CHD2: variants seen among roughly 807,000 people sequenced by gnomAD.
CHD2 encodes chromodomain helicase DNA binding protein 2.
In CHD2, 28 loss-of-function variants were observed where a neutral mutation model predicts 243.9. The ratio of observed to expected loss-of-function variants is 0.11; its 90% CI spans 0.09 to 0.16. The LOEUF (loss-of-function observed/expected upper bound fraction) is 0.16, where lower values mean the gene tolerates loss of function less well. CHD2 is among the 10% of genes least tolerant of loss of function. The pLI is 1.00. For missense variants in CHD2, 1,386 were observed against 2,209.8 expected, an observed-to-expected ratio of 0.63 and a Z score of 7.47; for synonymous variants, 775 against 779.0, an observed-to-expected ratio of 0.99 and a Z score of 0.09.
intron 3 of CHD2, among the ~76,000 whole-genome samples, chr15:92,925,632 G>A (rs2141748810): frequency 6.6e-6 from 1 of 152,266 alleles, no homozygotes; most frequent in East Asian, 1.9e-4. Flanking sequence ...GGATAGACAG[G>A]CTAGAGTAAA....
chr15:92,909,486 G>T (rs1463705526), intron 2 of CHD2, among the ~76,000 whole-genome samples: 2 of 152,134 alleles, frequency 1.3e-5, no homozygotes, highest in South Asian at 4.1e-4. Context: ...TTTTGTTGTT[G>T]TTGGGACAGA....
chr15:92,913,026 T>C (rs2052769596), intron 2 of CHD2, among the ~76,000 whole-genome samples: 3 of 152,266 alleles, frequency 2.0e-5, no homozygotes, highest in South Asian at 4.1e-4. Context: ...TCTAGCTTTA[T>C]ATAGACGTTT....
Position 92,979,097 on chromosome 15 carries a change from T to C in CHD2, c.2728-38T>C. The C allele has an allele frequency of 1.9e-6, 3 of 1,596,806 alleles. No homozygotes were observed. In the South Asian group the frequency reaches 3.4e-5, roughly 18 times the overall value. ...CTCTTTTTTTGGGGGGGTTGGGGGG[T>C]GGTTCAGGCATAAGCATAACAGTTC... On this transcript the variant is annotated intron_variant, in intron 21 of 38. Coordinates refer to ENST00000394196, the MANE Select transcript of CHD2 (RefSeq NM_001271.4).
intron 8 of CHD2, 72 bp downstream of exon 8, chr15:92,942,027 C>G (rs1176347206): frequency 7.0e-7 from 1 of 1,426,808 alleles, no homozygotes; most frequent in Non-Finnish European, 9.6e-7. Flanking sequence ...TATTTTAACT[C>G]TAATGTGATG....
At chr15:92,994,361 T>C (rs2054160491) in intron 28 of CHD2, among the ~76,000 whole-genome samples, 2 of 152,272 alleles carry the variant, frequency 1.3e-5, no homozygotes, top group East Asian at 3.9e-4. Context: ...ATTTGTGCTT[T>C]GAAATTTTCT....
rs927844025 is a variant in CHD2 at position 93,027,717 on chromosome 15, G to T, written c.*3012G>T. 2 of 152,696 alleles carry T rather than the reference G, an allele frequency of 1.3e-5. No homozygotes were observed. The highest frequency in any genetic ancestry group is 2.4e-5 in the African/African-American group (1 of 41,466). The allele number at this position is 152,696 out of a possible 1,614,324, so 9.5% of individuals were successfully genotyped here. A position where few individuals can be genotyped will look rare whatever the true frequency, so the allele number is the denominator to read the frequency against. On this transcript the variant is annotated 3_prime_UTR_variant, in exon 39 of 39. Coordinates refer to ENST00000394196, the MANE Select transcript of CHD2 (RefSeq NM_001271.4). Reference sequence around the variant, plus strand: ...TTCCGGCTCCTCTGAGGGCTGCCACGTTGGGCGAGGGGAGCCATGCCAAGG... The same window carrying T: ...TTCCGGCTCCTCTGAGGGCTGCCACTTTGGGCGAGGGGAGCCATGCCAAGG...
At chr15:92,969,683 T>G (rs1362961809) in intron 17 of CHD2, among the ~76,000 whole-genome samples, 1 of 152,248 alleles carries the variant, frequency 6.6e-6, no homozygotes, top group Non-Finnish European at 1.5e-5. Flanking sequence ...AGATTTTATT[T>G]GATCTTACTG....
intron 12 of CHD2, 41 bp from the exon 13 acceptor site, chr15:92,948,911 C>G (rs1277919382): frequency 6.3e-7 from 1 of 1,588,134 alleles, no homozygotes; most frequent in South Asian, 1.1e-5. Flanking sequence ...AACATAGTAG[C>G]AGTAAGAACA....
intron 24 of CHD2, among the ~76,000 whole-genome samples, 177 bp downstream of exon 24, chr15:92,981,634 C>T (rs1032422482): frequency 6.6e-6 from 1 of 152,134 alleles, no homozygotes; most frequent in African/African-American, 2.4e-5. Context: ...CTACAGTCCG[C>T]ACGAAGGTAA....
intron 14 of CHD2, chr15:92,953,997 A>T (rs1358386102): frequency 6.3e-6 from 1 of 158,634 alleles, no homozygotes; most frequent in Non-Finnish European, 1.4e-5. Flanking sequence ...TAACTTATAA[A>T]AAAGGAATAA....
Position 92,984,586 on chromosome 15 carries a change from C to T in CHD2, c.3237+86C>T, listed in dbSNP as rs552533800. Reference sequence around the variant, plus strand: ...TTGATTATTCAAAGAAGAGGCCTTGCATTGTTCCCCTGACACAGAGGCTTC... The same window carrying T: ...TTGATTATTCAAAGAAGAGGCCTTGTATTGTTCCCCTGACACAGAGGCTTC... On this transcript the variant is annotated intron_variant, in intron 25 of 38. Coordinates refer to ENST00000394196, the MANE Select transcript of CHD2 (RefSeq NM_001271.4). The T allele has an allele frequency of 8.0e-6, 10 of 1,252,988 alleles. No individual in the cohort carries two copies. In the South Asian group the frequency reaches 1.5e-4, roughly 18 times the overall value. 77.6% of individuals were successfully genotyped at this position (1,252,988 alleles called of 1,614,324 possible). A position where few individuals can be genotyped will look rare whatever the true frequency, so the allele number is the denominator to read the frequency against.
chr15:93,011,386 T>A (rs2054392520), intron 35 of CHD2, among the ~76,000 whole-genome samples: 1 of 152,116 alleles, frequency 6.6e-6, no homozygotes, highest in Admixed American at 6.5e-5. Flanking sequence ...ATGAGCTGAG[T>A]CGAATTGCTG....
intron 22 of CHD2, 58 bp from the exon 23 acceptor site, chr15:92,980,757 A>AAGT (rs1596431548): frequency 8.2e-7 from 1 of 1,213,962 alleles, no homozygotes; most frequent in Non-Finnish European, 1.2e-6. Context: ...AGTTATTCTG[A>AAGT]AGTAGAACAC....
intron 2 of CHD2, chr15:92,905,028 T>A (rs762031485): frequency 2.6e-6 from 4 of 1,524,930 alleles, no homozygotes; most frequent in Non-Finnish European, 1.8e-6. Flanking sequence ...TGCTAAGTAC[T>A]ATATATTTAA....
intron 24 of CHD2, among the ~76,000 whole-genome samples, chr15:92,982,773 A>G (rs11634207): frequency 0.24 from 37,104 of 152,036 alleles, 4,851 homozygotes; most frequent in Middle Eastern, 0.32. Flanking sequence ...CAATGGAAGA[A>G]CAAGGATGGA....
chr15:92,971,274 G>A (rs1189055196), intron 17 of CHD2, among the ~76,000 whole-genome samples: 1 of 152,198 alleles, frequency 6.6e-6, no homozygotes, highest in Admixed American at 6.5e-5. Flanking sequence ...AATCAGAACT[G>A]TAAAATGCTC....
intron 31 of CHD2, among the ~76,000 whole-genome samples, chr15:93,000,116 G>T (rs2054235052): frequency 6.6e-6 from 1 of 152,094 alleles, no homozygotes; most frequent in Non-Finnish European, 1.5e-5. Context: ...CAAAAAATTA[G>T]CCAGTGGTGG....
At position 93,015,032 on chromosome 15, in the gene CHD2, C is replaced by T. The variant is rs541246721; in HGVS notation, c.4906+123C>T. ...TTATTATCTTCTAACACTTTATTGT[C>T]CTCTCTTTTCTTAATGAGAGAAAGC... is the stretch of plus-strand genomic sequence containing the variant. On this transcript the variant is annotated intron_variant, in intron 37 of 38. Coordinates refer to ENST00000394196, the MANE Select transcript of CHD2 (RefSeq NM_001271.4). 2.2e-4 allele frequency: 168 copies of T among 768,190 alleles called. No homozygotes were observed. The African/African-American group carries it at 2.8e-3, about 13-fold the overall frequency. The allele number at this position is 768,190 out of a possible 1,614,324, so 47.6% of individuals were successfully genotyped here. A position where few individuals can be genotyped will look rare whatever the true frequency, so the allele number is the denominator to read the frequency against.
intron 2 of CHD2, among the ~76,000 whole-genome samples, chr15:92,918,995 A>T (rs1443808872): frequency 1.3e-5 from 2 of 151,608 alleles, no homozygotes; most frequent in African/African-American, 4.9e-5. Context: ...AGTAGCTGGG[A>T]TTACAGGTGC....
Sources: gnomAD v4.1 joint callset for allele counts (sites outside exome capture counted in the v4.1 genomes callset) on GRCh38, gnomAD v4.1.1 for gene constraint, MANE v1.5 for transcripts, NCBI Gene and HGNC (gene_info 2026-07-23, HGNC 2026-07-21) for gene names.